Variants in TOPBP1 observed in about 807,000 individuals in gnomAD.
TOPBP1 encodes DNA topoisomerase 2-binding protein 1.
Under a neutral mutation model 167.7 loss-of-function variants are expected in TOPBP1, and 28 were observed. That is an observed-to-expected ratio of 0.17 (90% confidence interval 0.12 to 0.23). TOPBP1 has a LOEUF of 0.23. TOPBP1 is among the 10% of genes least tolerant of loss of function. TOPBP1 has a pLI of 1.00. For synonymous variants in TOPBP1, 598 were observed against 611.4 expected (o/e 0.98, Z 0.32); for missense variants, 1,554 against 1,809.6 (o/e 0.86, Z 2.56).
chr3:133,623,783 A>G (rs1481783755), intron 17 of TOPBP1, among the ~76,000 whole-genome samples: 1 of 152,234 alleles, frequency 6.6e-6, no homozygotes, highest in East Asian at 1.9e-4. Context: ...TTCCCCAAAT[A>G]ATTATAAACT....
intron 6 of TOPBP1, among the ~76,000 whole-genome samples, chr3:133,654,857 A>T (rs1389207176): frequency 1.3e-5 from 2 of 152,152 alleles, no homozygotes; most frequent in Non-Finnish European, 2.9e-5. Context: ...AGAAAACAGT[A>T]TCAAACTAGA....
At chr3:133,649,676 A>G (rs766500256) in intron 9 of TOPBP1, 43 bp from the exon 10 acceptor site, 3 of 1,603,090 alleles carry the variant, frequency 1.9e-6, no homozygotes, top group South Asian at 2.2e-5. Context: ...CAAGCTATAA[A>G]GACCATCATC....
At chr3:133,631,864 C>T (rs1176648441) in intron 14 of TOPBP1, among the ~76,000 whole-genome samples, 1 of 151,992 alleles carries the variant, frequency 6.6e-6, no homozygotes, top group Admixed American at 6.5e-5. Flanking sequence ...TCTTGAACTC[C>T]TGACCTCAGG....
In TOPBP1 at chr3:133,624,036, A is replaced by G. The variant is rs749565340; in HGVS notation, c.2928+16T>C. 7 of 1,605,826 alleles carry G rather than the reference A, an allele frequency of 4.4e-6. No individual in the cohort carries two copies. The African/African-American group carries it at 5.4e-5, about 12-fold the overall frequency. On this transcript the variant is annotated intron_variant, in intron 17 of 27. Coordinates refer to ENST00000260810, the MANE Select transcript of TOPBP1 (RefSeq NM_007027.4). ...TTTCAATTAACAGAGATGGGGGGGA[A>G]AAAAGCACTGCTTACATCTAAAAGC...
At position 133,652,646 on chromosome 3, in the gene TOPBP1, C is replaced by T. The variant is rs752101965; in HGVS notation, c.923-17G>A. 1.5e-5 allele frequency: 23 copies of T among 1,575,370 alleles called. No individual in the cohort carries two copies. The highest frequency in any genetic ancestry group is 1.2e-4 in the South Asian group (10 of 85,756). ...GAGTACGACCTACATATTTTGAAAA[C>T]GTATAAATTTATGGGAGATAAAATA... is the stretch of plus-strand genomic sequence containing the variant. On this transcript the variant is annotated splice_polypyrimidine_tract_variant and intron_variant, in intron 7 of 27. Transcript: ENST00000260810.
At chr3:133,638,204 T>G in intron 13 of TOPBP1, 42 bp from the exon 14 acceptor site, 2 of 1,571,376 alleles carry the variant, frequency 1.3e-6, no homozygotes, top group Non-Finnish European at 1.7e-6. Context: ...GAGCCACTAA[T>G]GCCCACTTTT....
At chr3:133,601,682 A>T (rs148752599) in intron 27 of TOPBP1, among the ~76,000 whole-genome samples, 66 of 152,314 alleles carry the variant, frequency 4.3e-4, no homozygotes, top group African/African-American at 1.3e-3. Flanking sequence ...GAGATAAAAT[A>T]AAAAAGGTTA....
intron 23 of TOPBP1, among the ~76,000 whole-genome samples, chr3:133,613,817 A>C (rs1167704932): frequency 3.0e-5 from 4 of 134,054 alleles, no homozygotes; most frequent in African/African-American, 1.2e-4. Flanking sequence ...ACGGAGTCTC[A>C]CTCTGTCACC....
rs1257257398 is a variant in TOPBP1, at chr3:133,601,505, T to TA, written c.4426-113dup. On this transcript the variant is annotated intron_variant, in intron 27 of 27. Coordinates refer to ENST00000260810, the MANE Select transcript of TOPBP1 (RefSeq NM_007027.4). ...CTCTCAGGGATGAATCTGACAAACT[T>TA]AAAGGAAAACGCATATTCATTCCTA... 64 of 885,960 alleles carry TA rather than the reference T, an allele frequency of 7.2e-5. No individual in the cohort carries two copies. The South Asian group carries it at 1.3e-3, about 17-fold the overall frequency. The allele number at this position is 885,960 out of a possible 1,614,324, so 54.9% of individuals were successfully genotyped here.
At position 133,600,898 on chromosome 3, in the gene TOPBP1, C is replaced by T. The variant is rs1455922603; in HGVS notation, c.*352G>A. ...ATCTTGTTGTTATGAATTTGTAAGG[C>T]AGACATTTTAAAGCAAAATCCATTA... On this transcript the variant is annotated 3_prime_UTR_variant, in exon 28 of 28. Coordinates refer to ENST00000260810, the MANE Select transcript of TOPBP1 (RefSeq NM_007027.4). 1 of 160,216 alleles carries T rather than the reference C, an allele frequency of 6.2e-6. No individual in the cohort carries two copies. Among genetic ancestry groups the T allele is most frequent in the Non-Finnish European group, 1.4e-5 (1 of 73,612 alleles). The allele number at this position is 160,216 out of a possible 1,614,324, so 9.9% of individuals were successfully genotyped here.
rs202180261 is a variant in TOPBP1 at position 133,617,303 on chromosome 3, G to T, written c.3616C>A (p.Arg1206Ser). 1 of 1,611,784 alleles carries T rather than the reference G, an allele frequency of 6.2e-7. No homozygotes were observed. Among genetic ancestry groups the T allele is most frequent in the Non-Finnish European group, 8.5e-7 (1 of 1,179,152 alleles). Reference sequence around the variant, plus strand: ...GGGTGTTTGGGAGCTTCAGTCACACGTATGTTTCCAGGATCACAGACAGCT... The same window carrying T: ...GGGTGTTTGGGAGCTTCAGTCACACTTATGTTTCCAGGATCACAGACAGCT... ...KQAVCDPGNIRVTEAPKHPIS... is the reference protein window; with the variant it reads ...KQAVCDPGNISVTEAPKHPIS... The change falls in exon 22 of 28, where the codon CGT (arginine) becomes AGT (serine). Residue 1206 changes from arginine to serine, a missense_variant. Physicochemically the swap from Arg to Ser is moderately radical, Grantham distance 110. Coordinates refer to ENST00000260810, the MANE Select transcript of TOPBP1 (RefSeq NM_007027.4).
intron 3 of TOPBP1, 78 bp downstream of exon 3, chr3:133,658,938 G>T: frequency 7.0e-7 from 1 of 1,435,680 alleles, no homozygotes; most frequent in Non-Finnish European, 9.2e-7. Context: ...TTTATAATCC[G>T]CAAAGAATGT....
In TOPBP1 at chr3:133,653,386, G is replaced by T; in HGVS notation, c.881C>A (p.Pro294His). ...TEPRPEAKTM[P>H]NSSTPTSQIN... ...CTGGCTGGTAGGAGTTGAAGAATTG[G>T]GCATAGTCTTTGCTTCTGGTCTAGG... The change falls in exon 7 of 28, where the codon CCC becomes CAC. Residue 294 changes from proline (P) to histidine (H), a missense_variant. Pro to His is a moderately conservative substitution (Grantham distance 77). This residue lies in a region of TOPBP1 where 1,197 missense variants were observed against 1,351.5 expected (regional missense o/e 0.89). Coordinates refer to ENST00000260810, the MANE Select transcript of TOPBP1 (RefSeq NM_007027.4). 1 of 1,607,790 alleles carries T rather than the reference G, an allele frequency of 6.2e-7. No homozygotes were observed.
At chr3:133,631,834 C>T (rs954137372) in intron 14 of TOPBP1, among the ~76,000 whole-genome samples, 6 of 151,946 alleles carry the variant, frequency 3.9e-5, no homozygotes, top group Non-Finnish European at 7.4e-5. Context: ...GATGGGGTTT[C>T]GCCATATTGG....
chr3:133,611,403 C>T (rs1443400044), intron 24 of TOPBP1, among the ~76,000 whole-genome samples: 3 of 152,104 alleles, frequency 2.0e-5, no homozygotes, highest in Non-Finnish European at 4.4e-5. Flanking sequence ...AAAATGATAG[C>T]TATATCTTGG....
At chr3:133,649,671 T>C (rs748517274) in intron 9 of TOPBP1, 38 bp from the exon 10 acceptor site, 13 of 1,603,440 alleles carry the variant, frequency 8.1e-6, no homozygotes, top group Non-Finnish European at 1.1e-5. Flanking sequence ...TAGTGCAAGC[T>C]ATAAAGACCA....
Position 133,618,248 on chromosome 3 carries a change from T to A in TOPBP1, c.3557A>T (p.Gln1186Leu). 6.2e-7 allele frequency: 1 copy of A among 1,613,998 alleles called. No individual in the cohort carries two copies. Among genetic ancestry groups the A allele is most frequent in the Non-Finnish European group, 8.5e-7 (1 of 1,179,864 alleles). The change falls in exon 21 of 28, where the codon CAA becomes CTA. Residue 1186 changes from glutamine to leucine, a missense_variant. This residue lies in a region of TOPBP1 where 351 missense variants were observed against 432.9 expected (regional missense o/e 0.81). Coordinates refer to ENST00000260810, the MANE Select transcript of TOPBP1 (RefSeq NM_007027.4). ...AATTTCTGAATCATGTAAAGGCTTT[T>A]GAAAAGGAGAATCCTCCAAGTTTTG... ...DIQNLEDSPF[Q>L]KPLHDSEIAK... is the part of the protein sequence containing the mutation.
intron 19 of TOPBP1, among the ~76,000 whole-genome samples, chr3:133,621,578 C>T (rs1170938010): frequency 6.6e-6 from 1 of 152,174 alleles, no homozygotes; most frequent in African/African-American, 2.4e-5. Flanking sequence ...AATCCTATGT[C>T]ATTTTATACA....
intron 23 of TOPBP1, among the ~76,000 whole-genome samples, chr3:133,615,290 T>C (rs1040332549): frequency 2.0e-5 from 3 of 152,006 alleles, no homozygotes; most frequent in African/African-American, 7.2e-5. Context: ...GCCAACATGG[T>C]GAAACCCTGT....
Sources: gnomAD v4.1 joint callset for allele counts (sites outside exome capture counted in the v4.1 genomes callset) on GRCh38, gnomAD v4.1.1 for gene constraint, gnomAD v4.1.1 regional missense constraint, MANE v1.5 for transcripts, NCBI Gene and HGNC (gene_info 2026-07-23, HGNC 2026-07-21) for gene names.